The following GALNT17 variants were observed in gnomAD, a reference collection of about 807,000 sequenced individuals.
GALNT17 encodes the protein UDP-GalNAc:polypeptide N-acetylgalactosaminyltransferase-like 3.
Under a neutral mutation model 63.7 loss-of-function variants are expected in GALNT17, and 29 were observed. The observed-to-expected ratio is 0.46, with a 90% confidence interval of 0.34 to 0.62. The LOEUF is 0.62. GALNT17 is among the 20% of genes least tolerant of loss of function. The pLI, the probability that GALNT17 is intolerant of heterozygous loss-of-function variation, is 0.01. For synonymous variants in GALNT17, 305 were observed against 318.3 expected (o/e 0.96, Z 0.45); for missense variants, 603 against 799.6 (o/e 0.75, Z 2.97).
chr7:71,602,348 C>A (rs1454792532), intron 6 of GALNT17, among the ~76,000 whole-genome samples: 1 of 152,150 alleles, frequency 6.6e-6, no homozygotes, highest in Non-Finnish European at 1.5e-5. Context: ...AGTCCTGTTG[C>A]TGCAGAGGCA....
chr7:71,342,926 A>C (rs1461301427), intron 2 of GALNT17, among the ~76,000 whole-genome samples: 1 of 152,264 alleles, frequency 6.6e-6, no homozygotes, highest in Non-Finnish European at 1.5e-5. Context: ...ATGAAAGTAC[A>C]GTAGAAGAAT....
intron 2 of GALNT17, among the ~76,000 whole-genome samples, chr7:71,343,147 G>A (rs910014138): frequency 3.3e-5 from 5 of 152,204 alleles, no homozygotes; most frequent in African/African-American, 9.6e-5. Flanking sequence ...CCATCAAAGA[G>A]TTGTAAGGCT....
chr7:71,655,882 G>A (rs1171300517), intron 6 of GALNT17, among the ~76,000 whole-genome samples: 1 of 152,060 alleles, frequency 6.6e-6, no homozygotes, highest in Admixed American at 6.6e-5. Flanking sequence ...TCTAGCTCGT[G>A]TTGAGTTCTA....
intron 4 of GALNT17, among the ~76,000 whole-genome samples, chr7:71,417,899 C>A (rs1470655887): frequency 6.6e-6 from 1 of 152,182 alleles, no homozygotes; most frequent in Non-Finnish European, 1.5e-5. Context: ...TCTGCCATTT[C>A]TCCTGTCTCC....
chr7:71,213,722 A>G (rs1410598169), intron 1 of GALNT17, among the ~76,000 whole-genome samples: 1 of 152,204 alleles, frequency 6.6e-6, no homozygotes, highest in Non-Finnish European at 1.5e-5. Flanking sequence ...TGGGTGTTAT[A>G]TTTGGATCAT....
chr7:71,524,677 C>T (rs952083072), intron 5 of GALNT17, among the ~76,000 whole-genome samples: 2 of 152,208 alleles, frequency 1.3e-5, no homozygotes, highest in African/African-American at 4.8e-5. Flanking sequence ...GTGAGAATGA[C>T]TTACTGTAGG....
At chr7:71,355,574 C>T (rs1244548439) in intron 2 of GALNT17, among the ~76,000 whole-genome samples, 1 of 151,868 alleles carries the variant, frequency 6.6e-6, no homozygotes, top group African/African-American at 2.4e-5. Flanking sequence ...ACTCTGTCAC[C>T]TAGGCTGGAG....
rs369733650 is a variant in GALNT17 at position 71,677,535 on chromosome 7, G to T, written c.1500+229G>T. Among the ~76,000 whole-genome samples the T allele has an allele frequency of 1.5e-4, 22 of 147,684 alleles. 1 individual carries two copies. The East Asian group carries it at 1.8e-3, about 12-fold the overall frequency. ...ATGCAGATTTTTTTTTTTTTTTTGA[G>T]ATGGCGTCTCACTCTGTCCTCCAGG... On this transcript the variant is annotated intron_variant, in intron 9 of 10. Transcript: ENST00000333538.
intron 6 of GALNT17, among the ~76,000 whole-genome samples, chr7:71,648,349 C>CA (rs1057481456): frequency 1.8e-4 from 27 of 152,054 alleles, no homozygotes; most frequent in African/African-American, 6.3e-4. Flanking sequence ...CAGCTCACCG[C>CA]AGCCTGGAAC....
intron 1 of GALNT17, among the ~76,000 whole-genome samples, chr7:71,263,018 CAT>C (rs796854970): frequency 7.2e-5 from 11 of 152,160 alleles, no homozygotes; most frequent in East Asian, 1.9e-4. Flanking sequence ...TTTGGACACA[CAT>C]GTGTGCACAG....
chr7:71,346,276 AACTTTCTTTT>A (rs1250301994), intron 2 of GALNT17, among the ~76,000 whole-genome samples: 1 of 151,962 alleles, frequency 6.6e-6, no homozygotes, highest in Non-Finnish European at 1.5e-5. Context: ...TTCTATGTTA[AACTTTCTTTT>A]TCACAGACTC....
chr7:71,146,435 C>G (rs974752599), intron 1 of GALNT17, among the ~76,000 whole-genome samples: 4 of 152,190 alleles, frequency 2.6e-5, no homozygotes, highest in African/African-American at 9.7e-5. Flanking sequence ...GGGAAGCCAA[C>G]TCTCCATGGG....
rs1788271938 is a variant in GALNT17, at chr7:71,158,163, T to C, written c.238+25123T>C. The stretch of plus-strand genomic sequence containing the variant: ...ATCCATACTCAGTGGAATTGCTATA[T>C]CCTATGGTAGTTAGTTCTATTTTTA... On this transcript the variant is annotated intron_variant, in intron 1 of 10. Transcript: ENST00000333538. Among the ~76,000 whole-genome samples the C allele has an allele frequency of 1.3e-5, 2 of 151,452 alleles. 1 individual carries two copies. The highest frequency in any genetic ancestry group is 4.9e-5 in the African/African-American group (2 of 40,902).
intron 1 of GALNT17, among the ~76,000 whole-genome samples, chr7:71,198,827 G>T (rs922783005): frequency 1.3e-5 from 2 of 152,110 alleles, no homozygotes; most frequent in African/African-American, 4.8e-5. Context: ...AAGAAATCTG[G>T]TCAAAACTAA....
chr7:71,538,843 GAGAA>G (rs1007460819), intron 5 of GALNT17, among the ~76,000 whole-genome samples: 14 of 151,640 alleles, frequency 9.2e-5, no homozygotes, highest in African/African-American at 1.5e-4. Context: ...CGGAGGGAGA[GAGAA>G]AGGAAGGAGG....
intron 6 of GALNT17, among the ~76,000 whole-genome samples, chr7:71,616,278 A>G (rs1790201193): frequency 6.6e-6 from 1 of 151,974 alleles, no homozygotes; most frequent in Admixed American, 6.6e-5. Flanking sequence ...AGTAAATTCC[A>G]GATTCTTTCC....
chr7:71,324,153 C>T (rs2116023990), intron 1 of GALNT17, among the ~76,000 whole-genome samples: 1 of 152,254 alleles, frequency 6.6e-6, no homozygotes, highest in East Asian at 1.9e-4. Context: ...TACGTGAAAA[C>T]TTTGGGATTA....
Position 71,251,476 on chromosome 7 carries a change from C to A in GALNT17, c.239-84074C>A, listed in dbSNP as rs188524086. On this transcript the variant is annotated intron_variant, in intron 1 of 10. Transcript: ENST00000333538. ...CCAGGCTGGAGTGCAGTGGCACTAT[C>A]ATAATTCATTGCAGCCTTGAACTCC... 2.6e-3 allele frequency among the ~76,000 whole-genome samples: 395 copies of A among 152,158 alleles called. 2 individuals carry two copies. Among genetic ancestry groups the A allele is most frequent in the African/African-American group, 9.2e-3 (382 of 41,514 alleles).
At chr7:71,380,105 G>A (rs1486076477) in intron 2 of GALNT17, among the ~76,000 whole-genome samples, 2 of 152,074 alleles carry the variant, frequency 1.3e-5, no homozygotes, top group Admixed American at 6.5e-5. Flanking sequence ...GATCATCAGC[G>A]ATGGTGAGGT....
Sources: allele counts gnomAD v4.1 joint callset (sites outside exome capture counted in the v4.1 genomes callset), GRCh38; gene constraint gnomAD v4.1.1; transcripts MANE v1.5; gene names NCBI Gene and HGNC (gene_info 2026-07-23, HGNC 2026-07-21).